Variants in GRIA2 observed in about 807,000 individuals in gnomAD.
GRIA2 encodes the protein glutamate receptor 2.
Under a neutral mutation model 97.3 loss-of-function variants are expected in GRIA2, and 14 were observed. The ratio of observed to expected loss-of-function variants is 0.14; its 90% CI spans 0.10 to 0.23. The LOEUF is 0.23. GRIA2 is among the 10% of genes least tolerant of loss of function. The pLI is 1.00. For synonymous variants in GRIA2, 412 were observed against 387.8 expected (o/e 1.06, Z -0.73); for missense variants, 558 against 1,069.8 (o/e 0.52, Z 6.67).
intron 6 of GRIA2, among the ~76,000 whole-genome samples, chr4:157,322,229 AAGAG>A (rs772861473): frequency 9.1e-6 from 1 of 109,308 alleles, no homozygotes; most frequent in Middle Eastern, 4.5e-3. Context: ...GAGAGTGAGA[AAGAG>A]AGAGAGAGAG....
intron 2 of GRIA2, among the ~76,000 whole-genome samples, chr4:157,280,695 G>A (rs1732554247): frequency 6.6e-6 from 1 of 151,850 alleles, no homozygotes; most frequent in African/African-American, 2.4e-5. Context: ...TTAGAACAGT[G>A]TTCTAAGAGA....
chr4:157,283,733 G>C (rs1168932074), intron 2 of GRIA2, among the ~76,000 whole-genome samples: 1 of 151,812 alleles, frequency 6.6e-6, no homozygotes, highest in Non-Finnish European at 1.5e-5. Context: ...TTTGAAAGTT[G>C]TTAGAAATTA....
intron 11 of GRIA2, among the ~76,000 whole-genome samples, chr4:157,337,415 C>G (rs1223723086): frequency 6.6e-6 from 1 of 151,938 alleles, no homozygotes; most frequent in Non-Finnish European, 1.5e-5. Flanking sequence ...CACTAGAATA[C>G]CTAATTATAA....
intron 2 of GRIA2, among the ~76,000 whole-genome samples, chr4:157,261,223 A>G (rs1412224462): frequency 6.6e-6 from 1 of 152,092 alleles, no homozygotes; most frequent in African/African-American, 2.4e-5. Flanking sequence ...GAACTTCTAA[A>G]TAAAGTTGAC....
chr4:157,241,894 G>C (rs554300521), intron 2 of GRIA2, among the ~76,000 whole-genome samples: 1 of 152,230 alleles, frequency 6.6e-6, no homozygotes, highest in Admixed American at 6.5e-5. Context: ...AAGGGAAAGA[G>C]ATGAGCAGAA....
In GRIA2 at chr4:157,361,309, A is replaced by G. The variant is rs1450061948; in HGVS notation, c.2406+185A>G. On this transcript the variant is annotated intron_variant, in intron 14 of 15. Coordinates refer to ENST00000264426, the MANE Select transcript of GRIA2 (RefSeq NM_001083619.3). The surrounding 1 kb of genome is among the most constrained non-coding windows in gnomAD (Gnocchi z 5.2). ...TACTTCTCTTTCCCTCTCTTTCTCCATATCTCAAGGAAAAATTTGTAACTA... is the reference window on the plus strand; with the variant it reads ...TACTTCTCTTTCCCTCTCTTTCTCCGTATCTCAAGGAAAAATTTGTAACTA... Among the ~76,000 whole-genome samples the G allele has an allele frequency of 3.3e-5, 5 of 152,080 alleles. No individual in the cohort carries two copies. The highest frequency in any genetic ancestry group is 1.2e-4 in the African/African-American group (5 of 41,402).
At chr4:157,222,697 T>C (rs761535965) in intron 2 of GRIA2, among the ~76,000 whole-genome samples, 26 of 152,214 alleles carry the variant, frequency 1.7e-4, no homozygotes, top group Non-Finnish European at 1.8e-4. Context: ...GAGAAGTCGC[T>C]GATCAGCCAT....
chr4:157,229,513 G>T (rs1433749269), intron 2 of GRIA2, among the ~76,000 whole-genome samples: 1 of 152,124 alleles, frequency 6.6e-6, no homozygotes, highest in Non-Finnish European at 1.5e-5. Flanking sequence ...TATAGAAAGG[G>T]AATTGGTGAG....
intron 4 of GRIA2, 131 bp from the exon 5 acceptor site, chr4:157,317,527 A>G: frequency 2.4e-6 from 1 of 418,348 alleles, no homozygotes; most frequent in South Asian, 6.6e-5. Context: ...ATCAAAAATG[A>G]CTTATTTTGG....
chr4:157,298,611 C>CTTTT lies in GRIA2; in HGVS notation c.230-4917_230-4914dup, dbSNP rs67497887. ...TGGAAGGTGACAGATTGAAGCTAAG[C>CTTTT]TTTTTTTTTTTTTTTTTTTTTTTTT... is the stretch of plus-strand genomic sequence containing the variant. On this transcript the variant is annotated intron_variant, in intron 2 of 15. Coordinates refer to ENST00000264426, the MANE Select transcript of GRIA2 (RefSeq NM_001083619.3). Among the ~76,000 whole-genome samples, 176 of 34,334 alleles carry CTTTT rather than the reference C, an allele frequency of 5.1e-3. 39 individuals are homozygous for CTTTT. The highest frequency in any genetic ancestry group is 0.026 in the Middle Eastern group (1 of 38). The allele number at this position is 34,334 out of a possible 152,430, so 22.5% of individuals were successfully genotyped here.
At chr4:157,236,739 C>T (rs988267927) in intron 2 of GRIA2, among the ~76,000 whole-genome samples, 1 of 152,058 alleles carries the variant, frequency 6.6e-6, no homozygotes, top group African/African-American at 2.4e-5. Flanking sequence ...TTATTGTTTA[C>T]ATTTACTATG....
intron 6 of GRIA2, 153 bp downstream of exon 6, chr4:157,321,752 T>G (rs1053028353): frequency 1.8e-6 from 1 of 551,490 alleles, no homozygotes; most frequent in Non-Finnish European, 3.2e-6. Context: ...ATTTTTCACA[T>G]TTTTATGGTT....
rs188742730 is a variant in GRIA2 at position 157,255,880 on chromosome 4, A to G, written c.229+34073A>G. The stretch of plus-strand genomic sequence containing the variant: ...AGTCTTTTTTCAAAAGAATACATAC[A>G]AATGGCCAACAAGCATATGAAAAAA... On this transcript the variant is annotated intron_variant, in intron 2 of 15. Transcript: ENST00000264426. Among the ~76,000 whole-genome samples, 248 of 151,922 alleles carry G rather than the reference A, an allele frequency of 1.6e-3. 1 individual carries two copies. Among genetic ancestry groups the G allele is most frequent in the African/African-American group, 5.6e-3 (233 of 41,494 alleles).
At chr4:157,345,408 A>G (rs1735725263) in intron 12 of GRIA2, among the ~76,000 whole-genome samples, 1 of 151,962 alleles carries the variant, frequency 6.6e-6, no homozygotes. Flanking sequence ...ATCATTTTGG[A>G]GTTACTGATC....
intron 2 of GRIA2, among the ~76,000 whole-genome samples, chr4:157,223,384 G>A (rs892562530): frequency 6.6e-6 from 1 of 152,216 alleles, no homozygotes; most frequent in African/African-American, 2.4e-5. Context: ...AAGGGCGGGT[G>A]TGGGGGTACA....
chr4:157,296,964 G>A (rs2126849851), intron 2 of GRIA2, among the ~76,000 whole-genome samples: 1 of 152,278 alleles, frequency 6.6e-6, no homozygotes, highest in East Asian at 1.9e-4. Context: ...ACATGCAGGA[G>A]CAGCTTGTAA....
intron 2 of GRIA2, among the ~76,000 whole-genome samples, chr4:157,236,663 T>C (rs573621568): frequency 6.6e-6 from 1 of 152,310 alleles, no homozygotes; most frequent in African/African-American, 2.4e-5. Flanking sequence ...ACCTAGAGTG[T>C]ATGAGTATGT....
intron 12 of GRIA2, among the ~76,000 whole-genome samples, chr4:157,356,121 A>T (rs541061907): frequency 3.4e-4 from 41 of 119,904 alleles, no homozygotes; most frequent in South Asian, 1.0e-3. Context: ...TTATTTATAT[A>T]TATTTATATA....
chr4:157,348,392 C>A (rs949128033), intron 12 of GRIA2, among the ~76,000 whole-genome samples: 1 of 152,034 alleles, frequency 6.6e-6, no homozygotes, highest in African/African-American at 2.4e-5. Flanking sequence ...GTGTTCACCA[C>A]CATGCTCAGC....
Sources: gnomAD v4.1 joint callset for allele counts (sites outside exome capture counted in the v4.1 genomes callset) on GRCh38, gnomAD v4.1.1 for gene constraint, Gnocchi (gnomAD v3.1) non-coding constraint, MANE v1.5 for transcripts, NCBI Gene and HGNC (gene_info 2026-07-23, HGNC 2026-07-21) for gene names.